Variants in WDR64 observed in about 807,000 individuals in gnomAD.
WDR64 encodes WD repeat-containing protein 64.
WDR64 carries 112 observed loss-of-function variants against 139.3 expected under a neutral mutation model. The observed-to-expected ratio is 0.80, with a 90% confidence interval of 0.69 to 0.94. The LOEUF (loss-of-function observed/expected upper bound fraction) is 0.94. Ranked by LOEUF, WDR64 falls within the 40% of genes least tolerant of loss-of-function variation. The pLI, the probability that WDR64 is intolerant of heterozygous loss-of-function variation, is 0.00. For synonymous variants in WDR64, 444 were observed against 437.7 expected, an observed-to-expected ratio of 1.01 and a Z score of -0.18; for missense variants, 1,206 against 1,293.1, an observed-to-expected ratio of 0.93 and a Z score of 1.03.
chr1:241,741,792 A>AT (rs1371052006), intron 12 of WDR64, 128 bp downstream of exon 12: 9 of 1,020,556 alleles, frequency 8.8e-6, no homozygotes, highest in African/African-American at 1.7e-5. Context: ...CATTAGAATG[A>AT]TTTTTAAGCT....
chr1:241,663,452 T>C (rs1304344905), intron 2 of WDR64, among the ~76,000 whole-genome samples: 1 of 152,134 alleles, frequency 6.6e-6, no homozygotes, highest in African/African-American at 2.4e-5. Flanking sequence ...CCCTCAGAAC[T>C]AGAGGTGTAC....
intron 3 of WDR64, among the ~76,000 whole-genome samples, chr1:241,672,462 T>C (rs1396045836): frequency 1.3e-5 from 2 of 152,200 alleles, no homozygotes; most frequent in Non-Finnish European, 2.9e-5. Context: ...TTGCATTCTG[T>C]AATTCATTTA....
In WDR64 at chr1:241,708,928, A is replaced by AG. The variant is rs1455343408; in HGVS notation, c.975-2872dup. On this transcript the variant is annotated intron_variant, in intron 8 of 27. Transcript: ENST00000437684. ...ACTAAGGTCTTGAGCATTCTGACCT[A>AG]GGTAAAGTTAAGATGTTGATAAAGT... Among the ~76,000 whole-genome samples the AG allele has an allele frequency of 7.9e-5, 12 of 152,232 alleles. No individual in the cohort carries two copies. The East Asian group carries it at 2.3e-3, about 29-fold the overall frequency.
chr1:241,661,256 G>T (rs910528906), intron 2 of WDR64, among the ~76,000 whole-genome samples: 2 of 151,796 alleles, frequency 1.3e-5, no homozygotes, highest in African/African-American at 4.8e-5. Flanking sequence ...TGTATAAGGA[G>T]AATTTAAACC....
chr1:241,740,963 T>C (rs1194468899), intron 11 of WDR64, among the ~76,000 whole-genome samples: 1 of 152,260 alleles, frequency 6.6e-6, no homozygotes. Context: ...TTTACAGTGG[T>C]GATTTAGAAA....
chr1:241,740,429 G>A lies in WDR64; in HGVS notation c.1322-1087G>A, dbSNP rs560456898. On this transcript the variant is annotated intron_variant, in intron 11 of 27. Transcript: ENST00000437684. ...TGAACTGAGAAATACAACCAGATGA[G>A]CCATCTCAGTCCGTATTTACACATG... 4.6e-5 allele frequency among the ~76,000 whole-genome samples: 7 copies of A among 152,226 alleles called. No individual in the cohort carries two copies. The South Asian group carries it at 1.2e-3, about 27-fold the overall frequency.
intron 24 of WDR64, among the ~76,000 whole-genome samples, chr1:241,789,202 C>G (rs1269586259): frequency 1.3e-5 from 2 of 152,108 alleles, no homozygotes; most frequent in African/African-American, 4.8e-5. Context: ...ACATACAGGA[C>G]AGCTTTAGCG....
At chr1:241,779,544 G>A (rs917595782) in intron 21 of WDR64, among the ~76,000 whole-genome samples, 1 of 152,132 alleles carries the variant, frequency 6.6e-6, no homozygotes, top group Non-Finnish European at 1.5e-5. Context: ...AATGAATATG[G>A]GCCAGGTGTG....
Position 241,749,701 on chromosome 1 carries a change from C to T in WDR64, c.1749C>T (p.Asn583=), listed in dbSNP as rs778173273. The T allele has an allele frequency of 2.5e-6, 4 of 1,613,876 alleles. No homozygotes were observed. The highest frequency in any genetic ancestry group is 1.3e-5 in the African/African-American group (1 of 74,884). The change falls in exon 14 of 28, where the codon AAC becomes AAT. Residue 583 remains asparagine (N), a synonymous_variant. Coordinates refer to ENST00000437684, the MANE Select transcript of WDR64 (RefSeq NM_001367482.1). ...HQQLVLALER[N]GTIKMIQGKE... ...AGCTGGTCCTGGCCTTGGAGCGCAA[C>T]GGGACTATCAAAATGATCCAGGTTT...
intron 8 of WDR64, among the ~76,000 whole-genome samples, chr1:241,710,065 GAA>G (rs77994007): frequency 0.011 from 1,610 of 142,412 alleles, 27 homozygotes; most frequent in African/African-American, 0.039. Context: ...AAAAAGAAAA[GAA>G]AAAAAAAAAG....
intron 23 of WDR64, among the ~76,000 whole-genome samples, chr1:241,786,929 A>G (rs1373026488): frequency 6.6e-6 from 1 of 152,210 alleles, no homozygotes; most frequent in Non-Finnish European, 1.5e-5. Flanking sequence ...ACCCTTAGCA[A>G]CCAAATGCAG....
chr1:241,675,018 T>C, intron 4 of WDR64, among the ~76,000 whole-genome samples: 1 of 28,010 alleles, frequency 3.6e-5, no homozygotes, highest in Non-Finnish European at 9.7e-5. Context: ...CCTTCCTTTC[T>C]TCTTCCTTCC....
At chr1:241,781,687 G>A (rs902872711) in intron 22 of WDR64, among the ~76,000 whole-genome samples, 2 of 152,038 alleles carry the variant, frequency 1.3e-5, no homozygotes, top group South Asian at 4.1e-4. Context: ...TTCTAATTGC[G>A]GATTTCAATC....
At chr1:241,694,441 A>G (rs1667411438) in intron 8 of WDR64, among the ~76,000 whole-genome samples, 1 of 152,196 alleles carries the variant, frequency 6.6e-6, no homozygotes, top group East Asian at 1.9e-4. Flanking sequence ...CACAAATATC[A>G]TTTATATGGC....
At chr1:241,770,419 G>A in intron 17 of WDR64, 1 of 447,512 alleles carries the variant, frequency 2.2e-6, no homozygotes, top group Non-Finnish European at 4.0e-6. Flanking sequence ...TATTTGCTGA[G>A]GCTCCCCAAG....
rs535070169 is a variant in WDR64, at chr1:241,780,336, C to T, written c.2595+274C>T. ...ATTTGTGAGAATTCATATAGCAACC[C>T]AGAGTTAGAAAAAGTTCATAGATTA... On this transcript the variant is annotated intron_variant, in intron 22 of 27. Coordinates refer to ENST00000437684, the MANE Select transcript of WDR64 (RefSeq NM_001367482.1). 4.4e-4 allele frequency among the ~76,000 whole-genome samples: 67 copies of T among 152,218 alleles called. No individual in the cohort carries two copies. In the South Asian group the frequency reaches 0.014, roughly 31 times the overall value.
chr1:241,790,340 G>A (rs1387118978), intron 24 of WDR64, among the ~76,000 whole-genome samples: 1 of 152,122 alleles, frequency 6.6e-6, no homozygotes, highest in East Asian at 1.9e-4. Context: ...GACAGAGCGA[G>A]ACCCTGTCTC....
chr1:241,687,536 C>G lies in WDR64; in HGVS notation c.915C>G (p.Cys305Trp), dbSNP rs1667055193. The G allele has an allele frequency of 6.2e-7, 1 of 1,613,620 alleles. No homozygotes were observed. Among genetic ancestry groups the G allele is most frequent in the Non-Finnish European group, 8.5e-7 (1 of 1,179,684 alleles). Residue 305 changes from cysteine (C) to tryptophan (W), a missense_variant, in exon 8 of 28, where the codon TGC becomes TGG. Physicochemically the swap from Cys to Trp is radical, Grantham distance 215 (BLOSUM62 -2). Coordinates refer to ENST00000437684, the MANE Select transcript of WDR64 (RefSeq NM_001367482.1). ...CAGCCCTAAATTGTTTTGGATCCTG[C>G]TCCTTAGACAGTAATCATTCATTAG... ...YISALNCFGS[C>W]SLDSNHSLVL... is the part of the protein sequence containing the mutation.
intron 10 of WDR64, 118 bp from the exon 11 acceptor site, chr1:241,738,241 ATAAG>A: frequency 8.1e-7 from 1 of 1,230,822 alleles, no homozygotes; most frequent in Non-Finnish European, 1.1e-6. Context: ...TGCTTATCAT[ATAAG>A]TAATACTTTG....
Sources: allele counts gnomAD v4.1 joint callset (sites outside exome capture counted in the v4.1 genomes callset), GRCh38; gene constraint gnomAD v4.1.1; transcripts MANE v1.5; gene names NCBI Gene and HGNC (gene_info 2026-07-23, HGNC 2026-07-21).